EXOC6B: variants seen among roughly 807,000 people sequenced by gnomAD.
EXOC6B encodes SEC15 homolog B.
Under a neutral mutation model 113.5 loss-of-function variants are expected in EXOC6B, and 54 were observed. That is an observed-to-expected ratio of 0.48 (90% CI 0.38 to 0.60). The LOEUF is 0.60. EXOC6B is among the 20% of genes least tolerant of loss of function. The pLI, the probability that EXOC6B is intolerant of heterozygous loss-of-function variation, is 0.00. For synonymous variants in EXOC6B, 357 were observed against 339.0 expected (o/e 1.05, Z -0.58); for missense variants, 797 against 977.5 (o/e 0.82, Z 2.46).
intron 12 of EXOC6B, 131 bp downstream of exon 12, chr2:72,499,770 G>A (rs1306129469): frequency 6.5e-6 from 4 of 617,610 alleles, no homozygotes; most frequent in South Asian, 2.2e-5. Context: ...TTGGACTCAA[G>A]CAATTCTCCT....
intron 8 of EXOC6B, among the ~76,000 whole-genome samples, chr2:72,537,374 G>A (rs959846050): frequency 2.0e-5 from 3 of 151,788 alleles, no homozygotes; most frequent in Non-Finnish European, 4.4e-5. Context: ...GGCTGAGGCA[G>A]GTGGATCGTA....
At chr2:72,442,389 T>C (rs1696263142) in intron 18 of EXOC6B, among the ~76,000 whole-genome samples, 1 of 152,074 alleles carries the variant, frequency 6.6e-6, no homozygotes, top group Admixed American at 6.6e-5. Context: ...AACATGGTAA[T>C]GGAAGTTCTG....
At chr2:72,822,796 CAAAAGATGAA>C (rs1198847724) in intron 1 of EXOC6B, among the ~76,000 whole-genome samples, 1 of 152,036 alleles carries the variant, frequency 6.6e-6, no homozygotes, top group Non-Finnish European at 1.5e-5. Flanking sequence ...AATGTTACCT[CAAAAGATGAA>C]GAAAGAGGAA....
intron 6 of EXOC6B, among the ~76,000 whole-genome samples, chr2:72,712,549 G>A (rs533646893): frequency 6.6e-6 from 1 of 152,330 alleles, no homozygotes; most frequent in Non-Finnish European, 1.5e-5. Flanking sequence ...TGGCTGTCAG[G>A]TGGGGATCAT....
At chr2:72,744,445 G>C (rs536752828) in intron 1 of EXOC6B, among the ~76,000 whole-genome samples, 1 of 152,178 alleles carries the variant, frequency 6.6e-6, no homozygotes, top group African/African-American at 2.4e-5. Context: ...AAAGCTGTTT[G>C]GAATACATAA....
At chr2:72,414,989 C>G (rs1573069291) in intron 18 of EXOC6B, among the ~76,000 whole-genome samples, 1 of 152,088 alleles carries the variant, frequency 6.6e-6, no homozygotes, top group African/African-American at 2.4e-5. Flanking sequence ...ACTGTGCCCA[C>G]TGAGTTGGCT....
intron 20 of EXOC6B, among the ~76,000 whole-genome samples, chr2:72,187,648 T>C (rs1024471338): frequency 6.6e-6 from 1 of 152,058 alleles, no homozygotes; most frequent in Non-Finnish European, 1.5e-5. Flanking sequence ...TCCTGTTGTC[T>C]CTCTGTCCTC....
chr2:72,680,839 TTC>T (rs1406431134), intron 6 of EXOC6B, among the ~76,000 whole-genome samples: 1 of 152,138 alleles, frequency 6.6e-6, no homozygotes, highest in Non-Finnish European at 1.5e-5. Flanking sequence ...CACCACACCA[TTC>T]TCTGTCTTAG....
chr2:72,699,902 T>A (rs1056731056), intron 6 of EXOC6B, among the ~76,000 whole-genome samples: 3 of 152,152 alleles, frequency 2.0e-5, no homozygotes, highest in African/African-American at 7.2e-5. Flanking sequence ...CAGTCATCCC[T>A]CAGTATCCAC....
intron 21 of EXOC6B, among the ~76,000 whole-genome samples, chr2:72,182,339 T>C (rs1165767954): frequency 6.6e-6 from 1 of 152,084 alleles, no homozygotes; most frequent in African/African-American, 2.4e-5. Flanking sequence ...CTGAGAGATG[T>C]AAATAACTGA....
intron 8 of EXOC6B, among the ~76,000 whole-genome samples, chr2:72,552,240 C>A (rs996533802): frequency 6.6e-6 from 1 of 152,136 alleles, no homozygotes; most frequent in African/African-American, 2.4e-5. Flanking sequence ...TTACTCTTAA[C>A]CTTAAAACTT....
intron 8 of EXOC6B, among the ~76,000 whole-genome samples, chr2:72,525,205 A>T (rs553580340): frequency 5.3e-5 from 8 of 152,344 alleles, no homozygotes; most frequent in Admixed American, 2.6e-4. Flanking sequence ...ATGATTAACA[A>T]TCTTGGCCTT....
chr2:72,461,163 A>T (rs1223519110), intron 18 of EXOC6B, among the ~76,000 whole-genome samples: 3 of 140,498 alleles, frequency 2.1e-5, no homozygotes, highest in Non-Finnish European at 4.6e-5. Context: ...AACAATGAGA[A>T]CACATGGACA....
intron 20 of EXOC6B, among the ~76,000 whole-genome samples, chr2:72,288,497 CATATA>C (rs2104700512): frequency 6.6e-6 from 1 of 152,142 alleles, no homozygotes; most frequent in African/African-American, 2.4e-5. Flanking sequence ...ATGTCATAGT[CATATA>C]ATATAATACT....
intron 1 of EXOC6B, among the ~76,000 whole-genome samples, chr2:72,798,908 A>G (rs1685126418): frequency 6.6e-6 from 1 of 152,146 alleles, no homozygotes; most frequent in Non-Finnish European, 1.5e-5. Context: ...ATTTATTTCC[A>G]GGTATAATTA....
At chr2:72,601,704 C>CA (rs534406282) in intron 6 of EXOC6B, among the ~76,000 whole-genome samples, 17 of 152,108 alleles carry the variant, frequency 1.1e-4, no homozygotes, top group Admixed American at 9.8e-4. Flanking sequence ...TTTATGTCCA[C>CA]AAAAAAACCT....
chr2:72,541,852 C>T (rs921021640), intron 8 of EXOC6B, among the ~76,000 whole-genome samples: 1 of 152,146 alleles, frequency 6.6e-6, no homozygotes, highest in East Asian at 1.9e-4. Flanking sequence ...GAGATAAATA[C>T]TATTATTTAC....
At chr2:72,700,300 G>C (rs1678223884) in intron 6 of EXOC6B, among the ~76,000 whole-genome samples, 2 of 146,638 alleles carry the variant, frequency 1.4e-5, no homozygotes, top group East Asian at 4.0e-4. Context: ...CACCAGACTA[G>C]AAGACTTTGA....
intron 7 of EXOC6B, among the ~76,000 whole-genome samples, chr2:72,562,410 T>C (rs949189834): frequency 6.6e-6 from 1 of 152,138 alleles, no homozygotes; most frequent in African/African-American, 2.4e-5. Flanking sequence ...CTGTCAAAGC[T>C]ATATTCATAC....
Sources: allele counts gnomAD v4.1 joint callset (sites outside exome capture counted in the v4.1 genomes callset), GRCh38; gene constraint gnomAD v4.1.1; transcripts MANE v1.5; gene names NCBI Gene and HGNC (gene_info 2026-07-23, HGNC 2026-07-21).